Variants in MMRN1 observed in about 807,000 individuals in gnomAD.
The protein encoded by MMRN1 is multimerin 1.
Under a neutral mutation model 100.7 loss-of-function variants are expected in MMRN1, and 94 were observed. That is an observed-to-expected ratio of 0.93 (90% CI 0.79 to 1.11). MMRN1 has a LOEUF of 1.11. Among genes scored for constraint, MMRN1 ranks in the 50% least tolerant of loss-of-function variants. The probability of loss-of-function intolerance (pLI) is 0.00; values close to 1 mark genes in which losing one functional copy is unlikely to be tolerated. For synonymous variants in MMRN1, 575 were observed against 505.0 expected (o/e 1.14, Z -1.86); for missense variants, 1,606 against 1,439.1 (o/e 1.12, Z -1.88).
rs149106586 is a variant in MMRN1, at chr4:89,950,829, G to A, written c.3119-776G>A. ...TTGCCTTGGCCTCCTGAAGTGGTGG[G>A]GTTACAGGTGTGAGCCACCATACCC... is the stretch of plus-strand genomic sequence containing the variant. On this transcript the variant is annotated intron_variant, in intron 6 of 7. Transcript: ENST00000264790. Among the ~76,000 whole-genome samples, 1,097 of 151,996 alleles carry A rather than the reference G, an allele frequency of 7.2e-3. 13 individuals carry two copies. Among genetic ancestry groups the A allele is most frequent in the African/African-American group, 0.025 (1,030 of 41,468 alleles).
chr4:89,902,785 T>C (rs1486154104), intron 1 of MMRN1, among the ~76,000 whole-genome samples: 1 of 152,050 alleles, frequency 6.6e-6, no homozygotes, highest in Non-Finnish European at 1.5e-5. Context: ...GTATCTAAAA[T>C]TCCCCATAAT....
At chr4:89,934,159 A>G (rs1722529702) in intron 5 of MMRN1, among the ~76,000 whole-genome samples, 1 of 152,060 alleles carries the variant, frequency 6.6e-6, no homozygotes, top group African/African-American at 2.4e-5. Context: ...AATTAATGTC[A>G]TACTATAATA....
At chr4:89,912,548 T>G (rs2110599711) in intron 3 of MMRN1, among the ~76,000 whole-genome samples, 1 of 151,258 alleles carries the variant, frequency 6.6e-6, no homozygotes, top group East Asian at 1.9e-4. Context: ...AGCTATTTTT[T>G]TTTTTTCAGC....
At chr4:89,950,276 A>G (rs1578507750) in intron 6 of MMRN1, among the ~76,000 whole-genome samples, 3 of 152,292 alleles carry the variant, frequency 2.0e-5, no homozygotes, top group African/African-American at 7.2e-5. Context: ...AAATTTTTCA[A>G]GAATGCAAGT....
intron 1 of MMRN1, among the ~76,000 whole-genome samples, chr4:89,900,233 T>A (rs1198832734): frequency 6.6e-6 from 1 of 152,130 alleles, no homozygotes; most frequent in Non-Finnish European, 1.5e-5. Flanking sequence ...GAGATGTATG[T>A]CTTAAAATGT....
rs1221546429 is a variant in MMRN1, at chr4:89,927,872, AT to A, written c.1036del (p.Ser346LeufsTer2). ...TCTTCTGCAGAAGAAGATTGACAAT[AT>A]TTCTTTGACTGTGAATGATGTAAGG... ...LTLLQKKIDN[I>X]SLTVNDVRNT... On this transcript the variant is annotated frameshift_variant, in exon 5 of 8. Coordinates refer to ENST00000264790, the MANE Select transcript of MMRN1 (RefSeq NM_007351.3). LOFTEE classifies it high-confidence loss of function. 1 of 1,612,534 alleles carries A rather than the reference AT, an allele frequency of 6.2e-7. No individual in the cohort carries two copies. The highest frequency in any genetic ancestry group is 1.7e-4 in the Middle Eastern group (1 of 6,054).
chr4:89,934,977 T>G lies in MMRN1; in HGVS notation c.1297T>G (p.Ser433Ala). 1 of 1,613,476 alleles carries G rather than the reference T, an allele frequency of 6.2e-7. No homozygotes were observed. The highest frequency in any genetic ancestry group is 8.5e-7 in the Non-Finnish European group (1 of 1,179,692). Reference protein sequence around the residue: ...TRQIIQKVNESVVSIAAQQKF... With the variant: ...TRQIIQKVNEAVVSIAAQQKF... ...GCAAATAATTCAAAAAGTTAATGAA[T>G]CTGTGGTTTCAATAGCAGCCCAGCA... Residue 433 changes from serine to alanine, a missense_variant, in exon 6 of 8, where the codon TCT (serine) becomes GCT (alanine). Physicochemically the swap from Ser to Ala is moderately conservative, Grantham distance 99. Coordinates refer to ENST00000264790, the MANE Select transcript of MMRN1 (RefSeq NM_007351.3).
At chr4:89,922,555 G>C (rs746209378) in intron 3 of MMRN1, among the ~76,000 whole-genome samples, 2 of 152,080 alleles carry the variant, frequency 1.3e-5, no homozygotes, top group Non-Finnish European at 1.5e-5. Flanking sequence ...CAGTAGAGTA[G>C]ATTTATTTTA....
At chr4:89,939,672 T>C (rs575573095) in intron 6 of MMRN1, among the ~76,000 whole-genome samples, 2 of 152,182 alleles carry the variant, frequency 1.3e-5, no homozygotes, top group Non-Finnish European at 2.9e-5. Flanking sequence ...CTCAACCACA[T>C]GCTCAAAGAA....
At chr4:89,885,535 G>A (rs867930766) in intron 1 of MMRN1, among the ~76,000 whole-genome samples, 2 of 152,012 alleles carry the variant, frequency 1.3e-5, no homozygotes, top group South Asian at 2.1e-4. Context: ...ATTTACTAGC[G>A]AAGCCATTTT....
At chr4:89,884,214 A>G (rs886345615) in intron 1 of MMRN1, among the ~76,000 whole-genome samples, 9 of 152,100 alleles carry the variant, frequency 5.9e-5, no homozygotes, top group Admixed American at 1.3e-4. Context: ...TAATTTTAGC[A>G]TTGCTTAGAA....
chr4:89,939,439 G>T (rs898151774), intron 6 of MMRN1, among the ~76,000 whole-genome samples: 1 of 151,944 alleles, frequency 6.6e-6, no homozygotes. Flanking sequence ...GTAATAATAC[G>T]ACATTGGTTA....
At chr4:89,920,408 T>A (rs935338343) in intron 3 of MMRN1, among the ~76,000 whole-genome samples, 6 of 152,170 alleles carry the variant, frequency 3.9e-5, no homozygotes, top group Non-Finnish European at 8.8e-5. Flanking sequence ...GCACAAACAC[T>A]CTTCATATGT....
chr4:89,939,417 A>G (rs1722754275), intron 6 of MMRN1, among the ~76,000 whole-genome samples: 1 of 152,176 alleles, frequency 6.6e-6, no homozygotes, highest in South Asian at 2.1e-4. Flanking sequence ...GAAGCCTGAT[A>G]ATATGAATAC....
rs185052393 is a variant in MMRN1 at position 89,951,676 on chromosome 4, A to C, written c.3190A>C (p.Thr1064Pro). The C allele has an allele frequency of 6.3e-7, 1 of 1,595,236 alleles. No homozygotes were observed. Among genetic ancestry groups the C allele is most frequent in the Non-Finnish European group, 8.5e-7 (1 of 1,173,774 alleles). ...GTGCATAAATGGAAGAACTAGCTTT[A>C]CCTGTGCCTGCAGACATCCTTTTAC... ...GTCINGRTSF[T>P]CACRHPFTGD... Residue 1064 changes from threonine (T) to proline (P), a missense_variant, in exon 7 of 8, where the codon ACC becomes CCC. Coordinates refer to ENST00000264790, the MANE Select transcript of MMRN1 (RefSeq NM_007351.3).
chr4:89,945,232 A>T (rs545283543), intron 6 of MMRN1, among the ~76,000 whole-genome samples: 1 of 152,130 alleles, frequency 6.6e-6, no homozygotes, highest in Non-Finnish European at 1.5e-5. Context: ...CAATTTCTTT[A>T]TCTATTTACC....
At chr4:89,885,781 T>C (rs1479119638) in intron 1 of MMRN1, among the ~76,000 whole-genome samples, 2 of 152,086 alleles carry the variant, frequency 1.3e-5, no homozygotes, top group African/African-American at 2.4e-5. Flanking sequence ...CTCGCTTGTT[T>C]TTCTTGATTA....
At chr4:89,909,820 T>C (rs1258306157) in intron 2 of MMRN1, among the ~76,000 whole-genome samples, 1 of 151,454 alleles carries the variant, frequency 6.6e-6, no homozygotes, top group Non-Finnish European at 1.5e-5. Context: ...ATTCTAAAAT[T>C]AGGAGAGCTT....
chr4:89,941,954 A>G (rs1035975464), intron 6 of MMRN1, among the ~76,000 whole-genome samples: 3 of 152,160 alleles, frequency 2.0e-5, no homozygotes, highest in African/African-American at 7.2e-5. Flanking sequence ...TTCCCTTCAT[A>G]TGGAAGAATG....
Sources: allele counts gnomAD v4.1 joint callset (sites outside exome capture counted in the v4.1 genomes callset), GRCh38; gene constraint gnomAD v4.1.1; transcripts MANE v1.5; gene names NCBI Gene and HGNC (gene_info 2026-07-23, HGNC 2026-07-21).